MBD2: variants seen among roughly 807,000 people sequenced by gnomAD.
MBD2 encodes methyl-CpG-binding domain protein 2.
A neutral mutation model predicts 39.3 loss-of-function variants in MBD2; 9 were observed. The ratio of observed to expected loss-of-function variants is 0.23; its 90% CI spans 0.14 to 0.40. The LOEUF is 0.40. Among genes scored for constraint, MBD2 ranks in the 10% least tolerant of loss-of-function variants. MBD2 has a pLI of 1.00. For synonymous variants in MBD2, 233 were observed against 211.1 expected, an observed-to-expected ratio of 1.10 and a Z score of -0.90; for missense variants, 458 against 532.6, an observed-to-expected ratio of 0.86 and a Z score of 1.38.
At chr18:54,180,897 CTTTTTCTTTTTTT>C (rs1327052776) in intron 3 of MBD2, among the ~76,000 whole-genome samples, 5 of 105,366 alleles carry the variant, frequency 4.7e-5, no homozygotes, top group Admixed American at 1.1e-4. Context: ...TTAATTTTTT[CTTTTTCTTTTTTT>C]TTTTTTTTTT....
chr18:54,159,017 T>G (rs1195141627), intron 6 of MBD2, among the ~76,000 whole-genome samples: 2 of 152,148 alleles, frequency 1.3e-5, no homozygotes, highest in African/African-American at 4.8e-5. Flanking sequence ...CTAGGGAGAA[T>G]CTAAGAAAAA....
intron 3 of MBD2, among the ~76,000 whole-genome samples, chr18:54,171,033 T>A (rs1368412680): frequency 6.6e-6 from 1 of 152,144 alleles, no homozygotes; most frequent in Non-Finnish European, 1.5e-5. Flanking sequence ...TAGTTTTATT[T>A]TTTTTTTTAC....
Position 54,164,632 on chromosome 18 carries a change from C to CTG in MBD2, c.999_1000insCA (p.Ala334GlnfsTer55). On this transcript the variant is annotated frameshift_variant, in exon 5 of 7. Coordinates refer to ENST00000256429, the MANE Select transcript of MBD2 (RefSeq NM_003927.5). ...GCGGAGACTTGCCCTGTGATTGGCGCAGAGCTTGTGTGCAAAGCACTGGCA... is the reference window on the plus strand; with the variant it reads ...GCGGAGACTTGCCCTGTGATTGGCGCTGAGAGCTTGTGTGCAAAGCACTGGCA... 6.2e-7 allele frequency: 1 copy of CTG among 1,614,162 alleles called. No individual in the cohort carries two copies. The highest frequency in any genetic ancestry group is 2.2e-5 in the East Asian group (1 of 44,878).
chr18:54,160,093 A>C, intron 5 of MBD2, 190 bp from the exon 6 acceptor site: 4 of 574,934 alleles, frequency 7.0e-6, no homozygotes, highest in Non-Finnish European at 9.1e-6. Flanking sequence ...CAAAAAGAGG[A>C]ATGTTCACAG....
chr18:54,184,738 C>A (rs1348677957), intron 3 of MBD2, among the ~76,000 whole-genome samples: 1 of 152,174 alleles, frequency 6.6e-6, no homozygotes, highest in Admixed American at 6.5e-5. Flanking sequence ...CCTCAAGCCT[C>A]CTAGCAACAG....
intron 1 of MBD2, among the ~76,000 whole-genome samples, chr18:54,220,457 A>T (rs1469337389): frequency 6.6e-6 from 1 of 152,216 alleles, no homozygotes; most frequent in Non-Finnish European, 1.5e-5. Context: ...CCCAAAAAAC[A>T]TACTACCAAA....
intron 3 of MBD2, among the ~76,000 whole-genome samples, chr18:54,168,144 A>C (rs1462140659): frequency 2.6e-5 from 4 of 151,676 alleles, no homozygotes; most frequent in Non-Finnish European, 4.4e-5. Flanking sequence ...ATAAATCAAC[A>C]CTACCACATA....
chr18:54,171,191 C>T (rs2144289973), intron 3 of MBD2, among the ~76,000 whole-genome samples: 1 of 152,158 alleles, frequency 6.6e-6, no homozygotes. Flanking sequence ...CATCTGAGGT[C>T]AGGAGTTCGA....
In MBD2 at chr18:54,152,485, A is replaced by T. The variant is rs2086027796; in HGVS notation, c.*2839T>A. ...CTTACTAGGTGCCAGTCACTCAGCTAAGTGCTGGGGCTGTAACGGGAAATC... is the reference window on the plus strand; with the variant it reads ...CTTACTAGGTGCCAGTCACTCAGCTTAGTGCTGGGGCTGTAACGGGAAATC... On this transcript the variant is annotated 3_prime_UTR_variant, in exon 7 of 7. Coordinates refer to ENST00000256429, the MANE Select transcript of MBD2 (RefSeq NM_003927.5). The T allele has an allele frequency of 1.3e-5, 2 of 152,078 alleles. No individual in the cohort carries two copies. Among genetic ancestry groups the T allele is most frequent in the Admixed American group, 1.3e-4 (2 of 15,270 alleles). The allele number at this position is 152,078 out of a possible 1,614,324, so 9.4% of individuals were successfully genotyped here.
chr18:54,198,906 T>C (rs2086385814), intron 2 of MBD2, among the ~76,000 whole-genome samples: 2 of 152,216 alleles, frequency 1.3e-5, no homozygotes, highest in Non-Finnish European at 2.9e-5. Context: ...TTCTCTCTTC[T>C]TCTCATTCAA....
At chr18:54,201,281 T>G (rs553907450) in intron 2 of MBD2, among the ~76,000 whole-genome samples, 2 of 152,278 alleles carry the variant, frequency 1.3e-5, no homozygotes, top group East Asian at 3.9e-4. Flanking sequence ...AATCTTTCTC[T>G]AGTCTTTTTC....
chr18:54,212,172 T>A (rs1054115394), intron 1 of MBD2, among the ~76,000 whole-genome samples: 1 of 152,146 alleles, frequency 6.6e-6, no homozygotes, highest in Non-Finnish European at 1.5e-5. Flanking sequence ...TCTAAATGGC[T>A]TCTACAGTTC....
Position 54,224,457 on chromosome 18 carries a change from C to G in MBD2, c.103G>C (p.Gly35Arg). The G allele has an allele frequency of 2.4e-6, 3 of 1,236,690 alleles. No individual in the cohort carries two copies. The highest frequency in any genetic ancestry group is 3.0e-6 in the Non-Finnish European group (3 of 992,726). The allele number at this position is 1,236,690 out of a possible 1,614,324, so 76.6% of individuals were successfully genotyped here. Residue 35 changes from glycine (G) to arginine (R), a missense_variant, in exon 1 of 7, where the codon GGG becomes CGG. Around this residue, in one of 2 missense-constraint regions of MBD2, gnomAD observed 269 missense variants for 236.0 expected, o/e 1.14. Coordinates refer to ENST00000256429, the MANE Select transcript of MBD2 (RefSeq NM_003927.5). The part of the protein sequence containing the change: ...GAGGDSAIEQ[G>R]GQGSALAPSP... The stretch of plus-strand genomic sequence containing the variant: ...GGGGCGAGCGCGCTGCCCTGGCCCC[C>G]CTGCTCTATGGCGGAGTCGCCGCCA...
chr18:54,211,316 G>C (rs1169161193), intron 1 of MBD2, among the ~76,000 whole-genome samples: 1 of 151,522 alleles, frequency 6.6e-6, no homozygotes, highest in Non-Finnish European at 1.5e-5. Context: ...CATGAAATTA[G>C]AATTATTGTT....
At chr18:54,183,279 G>C (rs2086263159) in intron 3 of MBD2, among the ~76,000 whole-genome samples, 1 of 152,188 alleles carries the variant, frequency 6.6e-6, no homozygotes, top group Admixed American at 6.5e-5. Context: ...CTGAAGCTCA[G>C]GATGAAGATA....
chr18:54,200,660 A>G (rs1167088972), intron 2 of MBD2, among the ~76,000 whole-genome samples: 1 of 152,256 alleles, frequency 6.6e-6, no homozygotes, highest in Non-Finnish European at 1.5e-5. Flanking sequence ...TTAGCTTTTG[A>G]AGCAAAGGTT....
intron 2 of MBD2, among the ~76,000 whole-genome samples, chr18:54,197,623 T>G (rs1231578828): frequency 6.6e-6 from 1 of 152,208 alleles, no homozygotes; most frequent in East Asian, 1.9e-4. Flanking sequence ...GAACTCACCC[T>G]TTAGTACTCT....
chr18:54,197,713 C>T (rs144558168), intron 2 of MBD2, among the ~76,000 whole-genome samples: 1 of 152,210 alleles, frequency 6.6e-6, no homozygotes, highest in Non-Finnish European at 1.5e-5. Flanking sequence ...CTGTCCACTT[C>T]TATCTCCACG....
At chr18:54,168,695 G>T (rs2086156462) in intron 3 of MBD2, among the ~76,000 whole-genome samples, 1 of 147,644 alleles carries the variant, frequency 6.8e-6, no homozygotes, top group East Asian at 2.0e-4. Flanking sequence ...GGGGAGAAAT[G>T]GGGAGTGAAA....
Sources: allele counts gnomAD v4.1 joint callset (sites outside exome capture counted in the v4.1 genomes callset), GRCh38; gene constraint gnomAD v4.1.1; regional missense constraint gnomAD v4.1.1; transcripts MANE v1.5; gene names NCBI Gene and HGNC (gene_info 2026-07-23, HGNC 2026-07-21).